The following SORBS2 variants were observed in gnomAD, a reference collection of about 807,000 sequenced individuals.
SORBS2 encodes sorbin and SH3 domain containing 2.
SORBS2 carries 46 observed loss-of-function variants against 97.7 expected under a neutral mutation model. The ratio of observed to expected loss-of-function variants is 0.47; its 90% CI spans 0.37 to 0.60. The LOEUF (loss-of-function observed/expected upper bound fraction) is 0.60, where lower values mean the gene tolerates loss of function less well. Ranked by LOEUF, SORBS2 falls within the 20% of genes least tolerant of loss-of-function variation. The pLI, the probability that SORBS2 is intolerant of heterozygous loss-of-function variation, is 0.00. For missense variants in SORBS2, 1,316 were observed against 1,282.3 expected (o/e 1.03, Z -0.40); for synonymous variants, 476 against 473.4 (o/e 1.01, Z -0.07).
At chr4:185,656,273 C>T (rs970993193) in intron 1 of SORBS2, among the ~76,000 whole-genome samples, 7 of 152,254 alleles carry the variant, frequency 4.6e-5, no homozygotes, top group African/African-American at 1.7e-4. Context: ...TACAGATTTA[C>T]TTTTTGGCTT....
rs568591808 is a variant in SORBS2, at chr4:185,830,693, G to T, written c.-337-55327C>A. On this transcript the variant is annotated intron_variant, in intron 1 of 20. Coordinates refer to the SORBS2 transcript ENST00000284776. The stretch of plus-strand genomic sequence containing the variant: ...TGTAACCCAAATGTCTTGGGTTGGT[G>T]CTGTTTGTTGAAGTAACATGGTTAA... Among the ~76,000 whole-genome samples, 14 of 152,276 alleles carry T rather than the reference G, an allele frequency of 9.2e-5. 1 individual carries two copies. Among genetic ancestry groups the T allele is most frequent in the Admixed American group, 2.6e-4 (4 of 15,294 alleles).
chr4:185,722,236 G>A (rs916182005), intron 2 of SORBS2, among the ~76,000 whole-genome samples: 1 of 152,110 alleles, frequency 6.6e-6, no homozygotes, highest in African/African-American at 2.4e-5. Flanking sequence ...GGGACATATG[G>A]GTTACTTTCC....
intron 2 of SORBS2, among the ~76,000 whole-genome samples, chr4:185,709,520 G>A (rs1339306173): frequency 6.6e-6 from 1 of 151,868 alleles, no homozygotes; most frequent in Non-Finnish European, 1.5e-5. Context: ...CTTTTAAAAT[G>A]AAATGAAAAA....
At chr4:185,642,786 C>G (rs1458195631) in intron 4 of SORBS2, among the ~76,000 whole-genome samples, 3 of 152,190 alleles carry the variant, frequency 2.0e-5, no homozygotes, top group Non-Finnish European at 4.4e-5. Context: ...AGTACTACCC[C>G]CCTGCCTTCT....
chr4:185,765,374 C>A (rs1335052354), intron 2 of SORBS2, among the ~76,000 whole-genome samples: 2 of 140,240 alleles, frequency 1.4e-5, no homozygotes, highest in Non-Finnish European at 3.2e-5. Flanking sequence ...GTTTTTACAC[C>A]TGTGGTTTTA....
At chr4:185,855,043 A>G (rs762825051) in intron 1 of SORBS2, among the ~76,000 whole-genome samples, 1 of 152,198 alleles carries the variant, frequency 6.6e-6, no homozygotes, top group African/African-American at 2.4e-5. Flanking sequence ...TGACATAATA[A>G]TAAAGACCAG....
At chr4:185,738,087 A>G (rs1037766435) in intron 2 of SORBS2, among the ~76,000 whole-genome samples, 1 of 152,188 alleles carries the variant, frequency 6.6e-6, no homozygotes, top group Non-Finnish European at 1.5e-5. Context: ...CTTCCTCAAC[A>G]TCTGCCTCCA....
chr4:185,854,330 G>A (rs1167408226), intron 1 of SORBS2, among the ~76,000 whole-genome samples: 2 of 152,188 alleles, frequency 1.3e-5, no homozygotes, highest in Non-Finnish European at 2.9e-5. Context: ...GGTCACTGAA[G>A]TAGAAAAATG....
intron 1 of SORBS2, among the ~76,000 whole-genome samples, chr4:185,906,167 G>A (rs1239735722): frequency 4.6e-5 from 7 of 152,180 alleles, no homozygotes; most frequent in African/African-American, 1.4e-4. Context: ...CTGAGTAGCT[G>A]GGACTACTGG....
In SORBS2 at chr4:185,606,084, T is replaced by C. The variant is rs1343594078; in HGVS notation, c.2796+5696A>G. ...CTTTTCTGTTGTCTTTGTTTATTAT[T>C]AGCATTATTATTTTTGCAAAGTGCC... On this transcript the variant is annotated intron_variant, in intron 12 of 14. Transcript: ENST00000418609. The surrounding 1 kb of genome is among the most constrained non-coding windows in gnomAD (Gnocchi z 4.3). 2.0e-6 allele frequency: 2 copies of C among 985,130 alleles called. No homozygotes were observed. The highest frequency in any genetic ancestry group is 2.4e-6 in the Non-Finnish European group (2 of 829,758). 61.0% of individuals were successfully genotyped at this position (985,130 alleles called of 1,614,324 possible).
chr4:185,832,383 G>C (rs938429868), intron 1 of SORBS2, among the ~76,000 whole-genome samples: 6 of 152,108 alleles, frequency 3.9e-5, no homozygotes, highest in Non-Finnish European at 7.4e-5. Context: ...AATTTACCCT[G>C]ACCAACTATA....
chr4:185,745,005 G>A (rs2098751042), intron 2 of SORBS2, among the ~76,000 whole-genome samples: 1 of 152,206 alleles, frequency 6.6e-6, no homozygotes, highest in African/African-American at 2.4e-5. Context: ...GGCAGCTGGT[G>A]CTAAGGAGAG....
chr4:185,781,173 G>T (rs1031258429), intron 1 of SORBS2, among the ~76,000 whole-genome samples: 1 of 152,138 alleles, frequency 6.6e-6, no homozygotes, highest in African/African-American at 2.4e-5. Flanking sequence ...CTAACCTCAG[G>T]TGATCCTCCT....
At chr4:185,725,728 C>T (rs996307139) in intron 2 of SORBS2, among the ~76,000 whole-genome samples, 2 of 152,030 alleles carry the variant, frequency 1.3e-5, no homozygotes, top group Non-Finnish European at 2.9e-5. Flanking sequence ...AATAAATTAT[C>T]ATAATAATCT....
Position 185,666,997 on chromosome 4 carries a change from G to A in SORBS2, c.-45-4755C>T, listed in dbSNP as rs548569584. Reference sequence around the variant, plus strand: ...CATAGCGAAGGGATGCTCTGTAGGAGGAAGAGAGAAGATGACCATTTGAAA... The same window carrying A: ...CATAGCGAAGGGATGCTCTGTAGGAAGAAGAGAGAAGATGACCATTTGAAA... On this transcript the variant is annotated intron_variant, in intron 4 of 20. Coordinates refer to the SORBS2 transcript ENST00000284776. Among the ~76,000 whole-genome samples, 241 of 152,346 alleles carry A rather than the reference G, an allele frequency of 1.6e-3. 1 individual carries two copies. Among genetic ancestry groups the A allele is most frequent in the African/African-American group, 5.7e-3 (235 of 41,578 alleles).
At chr4:185,926,092 G>A (rs1579527202) in intron 1 of SORBS2, among the ~76,000 whole-genome samples, 3 of 147,422 alleles carry the variant, frequency 2.0e-5, no homozygotes, top group Non-Finnish European at 4.4e-5. Context: ...AAACAGAGCT[G>A]GAGAGCAAGG....
rs771864229 is a variant in SORBS2 at position 185,593,850 on chromosome 4, T to C, written c.2846+36A>G. 1.3e-5 allele frequency: 18 copies of C among 1,413,804 alleles called. No individual in the cohort carries two copies. The Middle Eastern group carries it at 8.8e-4, about 69-fold the overall frequency. The allele number at this position is 1,413,804 out of a possible 1,614,324, so 87.6% of individuals were successfully genotyped here. A position where few individuals can be genotyped will look rare whatever the true frequency, so the allele number is the denominator to read the frequency against. On this transcript the variant is annotated intron_variant, in intron 13 of 14. Transcript: ENST00000418609. ...CAGTTGTCCATTTTGTGGGTCAAGGTTAGTCTCAAATTTAGAAGATAAGAA... is the reference window on the plus strand; with the variant it reads ...CAGTTGTCCATTTTGTGGGTCAAGGCTAGTCTCAAATTTAGAAGATAAGAA...
At chr4:185,886,570 A>AAAG (rs2099239735) in intron 1 of SORBS2, among the ~76,000 whole-genome samples, 1 of 104,422 alleles carries the variant, frequency 9.6e-6, no homozygotes, top group African/African-American at 2.7e-5. Context: ...AAAAAAAAAA[A>AAAG]AAAGAAAAGA....
chr4:185,837,627 C>T (rs924446614), intron 1 of SORBS2, among the ~76,000 whole-genome samples: 1 of 152,042 alleles, frequency 6.6e-6, no homozygotes, highest in African/African-American at 2.4e-5. Flanking sequence ...AGAAACGGAA[C>T]CTCTAATACA....
Sources: gnomAD v4.1 joint callset for allele counts (sites outside exome capture counted in the v4.1 genomes callset) on GRCh38, gnomAD v4.1.1 for gene constraint, Gnocchi (gnomAD v3.1) non-coding constraint, MANE v1.5 for transcripts, NCBI Gene and HGNC (gene_info 2026-07-23, HGNC 2026-07-21) for gene names.